MAP3K9: variants seen among roughly 807,000 people sequenced by gnomAD.
The protein encoded by MAP3K9 is mitogen-activated protein kinase kinase kinase 9, also known as mixed lineage kinase 1 (tyr and ser/thr specificity).
MAP3K9 carries 46 observed loss-of-function variants against 95.8 expected under a neutral mutation model. That is an observed-to-expected ratio of 0.48 (90% confidence interval 0.38 to 0.61). MAP3K9 has a LOEUF of 0.61. Ranked by LOEUF, MAP3K9 falls within the 20% of genes least tolerant of loss-of-function variation. The pLI is 0.00. For missense variants in MAP3K9, 1,296 were observed against 1,474.3 expected (o/e 0.88, Z 1.98); for synonymous variants, 533 against 593.8 (o/e 0.90, Z 1.49).
In MAP3K9 at chr14:70,751,656, T is replaced by C. The variant is rs546877806; in HGVS notation, c.1002-1575A>G. ...ATCACTTGAATCTAGGAGGCGAAGG[T>C]TGCAGTAAGCCAAGATCACGCCACT... On this transcript the variant is annotated intron_variant, in intron 3 of 11. Coordinates refer to ENST00000554752, the MANE Select transcript of MAP3K9 (RefSeq NM_001284230.2). Among the ~76,000 whole-genome samples, 5 of 152,258 alleles carry C rather than the reference T, an allele frequency of 3.3e-5. No homozygotes were observed. In the East Asian group the frequency reaches 7.7e-4, roughly 23 times the overall value.
intron 2 of MAP3K9, among the ~76,000 whole-genome samples, chr14:70,775,171 T>C (rs2054581661): frequency 6.6e-6 from 1 of 152,104 alleles, no homozygotes; most frequent in African/African-American, 2.4e-5. Context: ...AATTATTTAA[T>C]AATAATAGCA....
At position 70,736,055 on chromosome 14, in the gene MAP3K9, G is replaced by T. The variant is rs1173365301; in HGVS notation, c.1845-26C>A. ...CTTCAATGAATAAAGAGAATCAGTAGCAGGCAATGGAGGGCACATCCAGCT... is the reference window on the plus strand; with the variant it reads ...CTTCAATGAATAAAGAGAATCAGTATCAGGCAATGGAGGGCACATCCAGCT... On this transcript the variant is annotated intron_variant, in intron 8 of 11. Coordinates refer to ENST00000554752, the MANE Select transcript of MAP3K9 (RefSeq NM_001284230.2). 3.9e-6 allele frequency: 6 copies of T among 1,522,852 alleles called. No homozygotes were observed. In the East Asian group the frequency reaches 1.1e-4, roughly 29 times the overall value. 94.3% of individuals were successfully genotyped at this position (1,522,852 alleles called of 1,614,324 possible).
intron 5 of MAP3K9, among the ~76,000 whole-genome samples, chr14:70,746,171 T>A (rs1017120352): frequency 2.6e-5 from 4 of 152,210 alleles, no homozygotes; most frequent in African/African-American, 9.6e-5. Context: ...GTCTCCTCCA[T>A]GCTCTTGTCT....
Position 70,742,545 on chromosome 14 carries a change from T to C in MAP3K9, c.1373A>G (p.Gln458Arg), listed in dbSNP as rs983867368. ...CCGCAGCAGTTCCTCCTGGTTCTTC[T>C]GCTGCAGTGCAGCCCGCGTCAGCTC... is the stretch of plus-strand genomic sequence containing the variant. ...EEELTRAALQ[Q>R]KNQEELLRRR... Residue 458 changes from glutamine to arginine, a missense_variant, in exon 6 of 12, where the codon CAG (glutamine) becomes CGG (arginine). Gln to Arg is a conservative substitution (Grantham distance 43). Transcript: ENST00000554752. The C allele has an allele frequency of 2.5e-6, 4 of 1,614,218 alleles. No homozygotes were observed. In the Admixed American group the frequency reaches 5.0e-5, roughly 20 times the overall value.
At chr14:70,797,739 A>G (rs2054880603) in intron 2 of MAP3K9, among the ~76,000 whole-genome samples, 1 of 152,216 alleles carries the variant, frequency 6.6e-6, no homozygotes, top group Non-Finnish European at 1.5e-5. Flanking sequence ...TCTAAAAAAA[A>G]TAAATAAATA....
In MAP3K9 at chr14:70,742,432, G is replaced by A. The variant is rs1387502876; in HGVS notation, c.1486C>T (p.Pro496Ser). The change falls in exon 6 of 12, where the codon CCC becomes TCC. Residue 496 changes from proline (P) to serine (S), a missense_variant. Pro to Ser is a moderately conservative substitution (Grantham distance 74). Transcript: ENST00000554752. ...TTGCCCTTGCGTTTCTTCACCCGGG[G>A]CTTCTCCTGGCACAGCTGGTGGATG... ...IIIHQLCQEKPRVKKRKGKFR... is the reference protein window; with the variant it reads ...IIIHQLCQEKSRVKKRKGKFR... The A allele has an allele frequency of 6.2e-7, 1 of 1,614,084 alleles. No individual in the cohort carries two copies. Among genetic ancestry groups the A allele is most frequent in the Non-Finnish European group, 8.5e-7 (1 of 1,180,036 alleles).
intron 1 of MAP3K9, among the ~76,000 whole-genome samples, chr14:70,801,522 G>C (rs2054930227): frequency 6.6e-6 from 1 of 152,184 alleles, no homozygotes; most frequent in Admixed American, 6.5e-5. Flanking sequence ...AAAGTGCTGG[G>C]ATTACAGGCA....
chr14:70,754,600 T>C (rs1226361039), intron 3 of MAP3K9, among the ~76,000 whole-genome samples: 1 of 151,414 alleles, frequency 6.6e-6, no homozygotes, highest in Admixed American at 6.6e-5. Context: ...GCCTCAGGAG[T>C]AGCTGGGACT....
At chr14:70,805,756 T>TA (rs993910375) in intron 1 of MAP3K9, among the ~76,000 whole-genome samples, 2 of 152,060 alleles carry the variant, frequency 1.3e-5, no homozygotes, top group African/African-American at 4.8e-5. Flanking sequence ...TCACCTCTGT[T>TA]AAAAAAGTAA....
chr14:70,748,754 A>G (rs773856145), intron 5 of MAP3K9, 75 bp downstream of exon 5: 5 of 1,191,020 alleles, frequency 4.2e-6, no homozygotes, highest in Non-Finnish European at 4.8e-6. Flanking sequence ...GGTCCCTGTG[A>G]GTGAGGTCTA....
At chr14:70,749,784 C>A (rs1294925013) in intron 4 of MAP3K9, 149 bp downstream of exon 4, 21 of 850,780 alleles carry the variant, frequency 2.5e-5, no homozygotes, top group Non-Finnish European at 3.8e-5. Flanking sequence ...CTTGAAGAAG[C>A]CTTTCCAGTT....
At chr14:70,761,233 G>A (rs1048195226) in intron 2 of MAP3K9, 51 bp from the exon 3 acceptor site, 1 of 1,464,606 alleles carries the variant, frequency 6.8e-7, no homozygotes, top group Non-Finnish European at 9.3e-7. Context: ...TTAATCACAG[G>A]GAAACCACAG....
chr14:70,752,391 T>C (rs1383125433), intron 3 of MAP3K9, among the ~76,000 whole-genome samples: 1 of 152,176 alleles, frequency 6.6e-6, no homozygotes, highest in Non-Finnish European at 1.5e-5. Context: ...AGTGGGTCTG[T>C]GGGTATGGGA....
chr14:70,798,470 A>AATTT (rs1355994940), intron 2 of MAP3K9, among the ~76,000 whole-genome samples: 1 of 108,342 alleles, frequency 9.2e-6, no homozygotes, highest in Non-Finnish European at 2.0e-5. Context: ...GGTCACCAAA[A>AATTT]GTTTTTTTTT....
chr14:70,740,167 G>C lies in MAP3K9; in HGVS notation c.1568-3C>G. 1 of 1,611,856 alleles carries C rather than the reference G, an allele frequency of 6.2e-7. No homozygotes were observed. Among genetic ancestry groups the C allele is most frequent in the Non-Finnish European group, 8.5e-7 (1 of 1,178,150 alleles). On this transcript the variant is annotated splice_region_variant and splice_polypyrimidine_tract_variant and intron_variant, in intron 6 of 11. Coordinates refer to ENST00000554752, the MANE Select transcript of MAP3K9 (RefSeq NM_001284230.2). Reference sequence around the variant, plus strand: ...CACCGTGAACTTGTGCTGGAAATCTGCTTGGGGAAAGACAAACACGTGTAT... The same window carrying C: ...CACCGTGAACTTGTGCTGGAAATCTCCTTGGGGAAAGACAAACACGTGTAT...
At chr14:70,782,073 C>T (rs545938452) in intron 2 of MAP3K9, among the ~76,000 whole-genome samples, 1 of 152,270 alleles carries the variant, frequency 6.6e-6, no homozygotes, top group Non-Finnish European at 1.5e-5. Flanking sequence ...TTCTTTGAGG[C>T]CTAATTGTTC....
At position 70,725,546 on chromosome 14, in the gene MAP3K9, C is replaced by T. The variant is rs1214088321; in HGVS notation, c.*4834G>A. ...CAGCACCTGAGTGGTGAGCACCCACCCAGGTAGCAATGCCAGGGAAAAGCC... is the reference window on the plus strand; with the variant it reads ...CAGCACCTGAGTGGTGAGCACCCACTCAGGTAGCAATGCCAGGGAAAAGCC... On this transcript the variant is annotated 3_prime_UTR_variant, in exon 12 of 12. Transcript: ENST00000554752. 4 of 152,276 alleles carry T rather than the reference C, an allele frequency of 2.6e-5. No individual in the cohort carries two copies. The highest frequency in any genetic ancestry group is 2.0e-4 in the Admixed American group (3 of 15,292). The allele number at this position is 152,276 out of a possible 1,614,324, so 9.4% of individuals were successfully genotyped here. A position where few individuals can be genotyped will look rare whatever the true frequency, so the allele number is the denominator to read the frequency against.
In MAP3K9 at chr14:70,730,323, G is replaced by C; in HGVS notation, c.*57C>G. ...CCAACCCTGAGAAAGGGCTGTGCCC[G>C]CCAGCTCCCCTCATCTCCGCTGGCT... is the stretch of plus-strand genomic sequence containing the variant. On this transcript the variant is annotated 3_prime_UTR_variant, in exon 12 of 12. Coordinates refer to ENST00000554752, the MANE Select transcript of MAP3K9 (RefSeq NM_001284230.2). The C allele has an allele frequency of 6.4e-7, 1 of 1,557,618 alleles. No individual in the cohort carries two copies. Among genetic ancestry groups the C allele is most frequent in the Non-Finnish European group, 8.7e-7 (1 of 1,148,066 alleles).
In MAP3K9 at chr14:70,738,395, G is replaced by A; in HGVS notation, c.1694C>T (p.Thr565Ile). The A allele has an allele frequency of 6.2e-7, 1 of 1,613,684 alleles. No homozygotes were observed. Among genetic ancestry groups the A allele is most frequent in the Non-Finnish European group, 8.5e-7 (1 of 1,179,872 alleles). ...IIPRLRAIQL[T>I]PGESSKTWGR... ...CCAGGTTTTGCTGCTTTCACCTGGT[G>A]TCACTGTGAATCACAAGGGTTGGAT... Residue 565 changes from threonine to isoleucine, a missense_variant, in exon 8 of 12, where the codon ACA becomes ATA. This residue lies in a region of MAP3K9 where 377 missense variants were observed against 417.1 expected (regional missense o/e 0.90). Transcript: ENST00000554752.
Sources: gnomAD v4.1 joint callset for allele counts (sites outside exome capture counted in the v4.1 genomes callset) on GRCh38, gnomAD v4.1.1 for gene constraint, gnomAD v4.1.1 regional missense constraint, MANE v1.5 for transcripts, NCBI Gene and HGNC (gene_info 2026-07-23, HGNC 2026-07-21) for gene names.